The following DISC1 variants were observed in gnomAD, a reference collection of about 807,000 sequenced individuals.
The protein encoded by DISC1 is disrupted in schizophrenia 1 protein.
DISC1 carries 57 observed loss-of-function variants against 84.5 expected under a neutral mutation model. That is an observed-to-expected ratio of 0.67 (90% CI 0.55 to 0.84). The LOEUF is 0.84. Ranked by LOEUF, DISC1 falls within the 40% of genes least tolerant of loss-of-function variation. DISC1 has a pLI of 0.00. For missense variants in DISC1, 1,000 were observed against 1,057.8 expected, an observed-to-expected ratio of 0.95 and a Z score of 0.76; for synonymous variants, 411 against 415.2, an observed-to-expected ratio of 0.99 and a Z score of 0.12.
intron 9 of DISC1, among the ~76,000 whole-genome samples, chr1:231,885,281 A>G (rs1190758981): frequency 6.6e-6 from 1 of 152,106 alleles, no homozygotes; most frequent in Admixed American, 6.5e-5. Flanking sequence ...CCCATGGGGG[A>G]AGGATTAATT....
rs369135945 is a variant in DISC1 at position 231,811,622 on chromosome 1, G to T, written c.1793-6707G>T. On this transcript the variant is annotated intron_variant, in intron 8 of 12. Coordinates refer to ENST00000439617, the MANE Select transcript of DISC1 (RefSeq NM_018662.3). ...CAAACTGAAATGTCCATGAGTTCAGGAAAGTGCCATGTGTGTGAGGGGTAC... is the reference window on the plus strand; with the variant it reads ...CAAACTGAAATGTCCATGAGTTCAGTAAAGTGCCATGTGTGTGAGGGGTAC... Among the ~76,000 whole-genome samples, 4 of 152,322 alleles carry T rather than the reference G, an allele frequency of 2.6e-5. No homozygotes were observed. In the South Asian group the frequency reaches 6.2e-4, roughly 24 times the overall value.
chr1:231,897,433 C>T lies in DISC1; in HGVS notation c.1982-61395C>T, dbSNP rs993257615. Reference sequence around the variant, plus strand: ...TCTTCCCCTGATGAATTGACCGGTCCAGAGAGCATTTCAGTTATCATTTAT... The same window carrying T: ...TCTTCCCCTGATGAATTGACCGGTCTAGAGAGCATTTCAGTTATCATTTAT... On this transcript the variant is annotated intron_variant, in intron 9 of 12. Transcript: ENST00000439617. The surrounding 1 kb of genome is among the most constrained non-coding windows in gnomAD (Gnocchi z 4.5). Among the ~76,000 whole-genome samples the T allele has an allele frequency of 3.7e-4, 56 of 152,260 alleles. No homozygotes were observed. Among genetic ancestry groups the T allele is most frequent in the African/African-American group, 1.3e-3 (54 of 41,528 alleles).
At chr1:232,003,557 C>A (rs1558826471) in intron 10 of DISC1, among the ~76,000 whole-genome samples, 1 of 151,962 alleles carries the variant, frequency 6.6e-6, no homozygotes, top group Non-Finnish European at 1.5e-5. Context: ...ATAGATGAAG[C>A]AAACAACAAG....
At chr1:231,957,902 G>T (rs61478618) in intron 9 of DISC1, among the ~76,000 whole-genome samples, 3,128 of 152,222 alleles carry the variant, frequency 0.021, 119 homozygotes, top group African/African-American at 0.071. Context: ...GGGCAGCCTG[G>T]CTTCTGTGTT....
chr1:231,963,862 C>T (rs188663233), intron 10 of DISC1, among the ~76,000 whole-genome samples: 309 of 152,202 alleles, frequency 2.0e-3, no homozygotes, highest in Non-Finnish European at 3.4e-3. Context: ...TCCATGTGAG[C>T]AAGCAGAGGG....
At chr1:231,812,933 G>A (rs1332802778) in intron 8 of DISC1, among the ~76,000 whole-genome samples, 1 of 152,156 alleles carries the variant, frequency 6.6e-6, no homozygotes, top group Non-Finnish European at 1.5e-5. Context: ...CTCATGGCTT[G>A]GGTCTTGATA....
chr1:231,752,531 C>T lies in DISC1; in HGVS notation c.1268+2455C>T, dbSNP rs116187314. Among the ~76,000 whole-genome samples the T allele has an allele frequency of 5.6e-3, 849 of 152,332 alleles. 7 individuals carry two copies. The highest frequency in any genetic ancestry group is 0.019 in the African/African-American group (809 of 41,568). On this transcript the variant is annotated intron_variant, in intron 4 of 12. Coordinates refer to ENST00000439617, the MANE Select transcript of DISC1 (RefSeq NM_018662.3). ...TGATGCAGTCATCTTCCACCAGGCC[C>T]TGCCTCCAACACTTGGGATTACAAT...
rs1024943764 is a variant in DISC1 at position 231,855,181 on chromosome 1, A to G, written c.1981+36664A>G. The stretch of plus-strand genomic sequence containing the variant: ...CCTTTGTGAATCTTTAAATTTGTGA[A>G]TGACACTTTTGAAAACTTACACCTT... On this transcript the variant is annotated intron_variant, in intron 9 of 12. Coordinates refer to ENST00000439617, the MANE Select transcript of DISC1 (RefSeq NM_018662.3). 14 of 1,011,980 alleles carry G rather than the reference A, an allele frequency of 1.4e-5. No homozygotes were observed. The African/African-American group carries it at 2.2e-4, about 16-fold the overall frequency. 62.7% of individuals were successfully genotyped at this position (1,011,980 alleles called of 1,614,324 possible).
At chr1:231,747,710 T>C (rs1178102863) in intron 3 of DISC1, among the ~76,000 whole-genome samples, 1 of 152,208 alleles carries the variant, frequency 6.6e-6, no homozygotes, top group Non-Finnish European at 1.5e-5. Flanking sequence ...CCTCCAGTGT[T>C]GTTCTTTTCG....
Position 231,680,152 on chromosome 1 carries a change from CAG to C in DISC1, c.68-13673_68-13672del, listed in dbSNP as rs1193093080. 2.6e-5 allele frequency among the ~76,000 whole-genome samples: 4 copies of C among 152,288 alleles called. No individual in the cohort carries two copies. The East Asian group carries it at 5.8e-4, about 22-fold the overall frequency. On this transcript the variant is annotated intron_variant, in intron 1 of 12. Coordinates refer to ENST00000439617, the MANE Select transcript of DISC1 (RefSeq NM_018662.3). Reference sequence around the variant, plus strand: ...CTGAGTCAGGAGAATTGCTTGAACACAGGGGGCGGAGGCTGTAGTGAGCCGAG... The same window carrying C: ...CTGAGTCAGGAGAATTGCTTGAACACGGGGCGGAGGCTGTAGTGAGCCGAG...
At chr1:232,030,239 T>C (rs1483820238) in intron 12 of DISC1, among the ~76,000 whole-genome samples, 2 of 152,234 alleles carry the variant, frequency 1.3e-5, no homozygotes, top group Non-Finnish European at 2.9e-5. Context: ...ATTAGCAGTA[T>C]GTTTTGAAAA....
intron 9 of DISC1, among the ~76,000 whole-genome samples, chr1:231,853,059 A>G (rs1336776099): frequency 6.6e-6 from 1 of 152,232 alleles, no homozygotes; most frequent in Non-Finnish European, 1.5e-5. Flanking sequence ...AACAGAACCA[A>G]ATGCATTCTA....
intron 9 of DISC1, among the ~76,000 whole-genome samples, chr1:231,914,649 C>T (rs2089486421): frequency 6.6e-6 from 1 of 152,200 alleles, no homozygotes; most frequent in South Asian, 2.1e-4. Context: ...TTGGGTGGCA[C>T]ATCCGTCCCC....
At chr1:231,726,714 GT>G in intron 3 of DISC1, among the ~76,000 whole-genome samples, 1 of 152,314 alleles carries the variant, frequency 6.6e-6, no homozygotes, top group Non-Finnish European at 1.5e-5. Flanking sequence ...GGCAAAGGCA[GT>G]TTTATAAGTG....
Position 231,954,405 on chromosome 1 carries a change from G to A in DISC1, c.1982-4423G>A, listed in dbSNP as rs1043640749. Among the ~76,000 whole-genome samples, 11 of 152,150 alleles carry A rather than the reference G, an allele frequency of 7.2e-5. No homozygotes were observed. The highest frequency in any genetic ancestry group is 7.2e-4 in the Admixed American group (11 of 15,276). On this transcript the variant is annotated intron_variant, in intron 9 of 12. Coordinates refer to ENST00000439617, the MANE Select transcript of DISC1 (RefSeq NM_018662.3). The surrounding 1 kb of genome is among the most constrained non-coding windows in gnomAD (Gnocchi z 4.8). ...TTTAATTATCAATCTGTTAATCCAA[G>A]TTTTTGTTTAATTGGATTCATCAAA...
intron 9 of DISC1, chr1:231,855,244 A>G: frequency 1.0e-6 from 1 of 979,800 alleles, no homozygotes; most frequent in Non-Finnish European, 1.2e-6. Context: ...CTGTACTGTA[A>G]AGAATCACAA....
At chr1:231,688,541 A>T (rs574946971) in intron 1 of DISC1, among the ~76,000 whole-genome samples, 1 of 152,252 alleles carries the variant, frequency 6.6e-6, no homozygotes, top group South Asian at 2.1e-4. Flanking sequence ...CTTTAATCCG[A>T]TGAGGTGGTT....
chr1:231,992,006 T>C (rs542719675), intron 10 of DISC1, among the ~76,000 whole-genome samples: 1 of 152,352 alleles, frequency 6.6e-6, no homozygotes. Flanking sequence ...ACAATAAGTG[T>C]GGCTGATTCC....
chr1:231,750,770 C>G (rs374585743), intron 4 of DISC1, among the ~76,000 whole-genome samples: 214 of 152,256 alleles, frequency 1.4e-3, no homozygotes, highest in African/African-American at 4.9e-3. Context: ...CCCTTTCTCC[C>G]TAGGTAAAGG....
Sources: gnomAD v4.1 joint callset for allele counts (sites outside exome capture counted in the v4.1 genomes callset) on GRCh38, gnomAD v4.1.1 for gene constraint, Gnocchi (gnomAD v3.1) non-coding constraint, MANE v1.5 for transcripts, NCBI Gene and HGNC (gene_info 2026-07-23, HGNC 2026-07-21) for gene names.